The following SORCS2 variants were observed in gnomAD, a reference collection of about 807,000 sequenced individuals.
The protein encoded by SORCS2 is sortilin related VPS10 domain containing receptor 2, also known as VPS10 domain-containing receptor SorCS2.
A neutral mutation model predicts 141.6 loss-of-function variants in SORCS2; 100 were observed. The observed-to-expected ratio is 0.71, with a 90% CI of 0.60 to 0.83. The LOEUF (loss-of-function observed/expected upper bound fraction) is 0.83, where lower values mean the gene tolerates loss of function less well. Ranked by LOEUF, SORCS2 falls within the 40% of genes least tolerant of loss-of-function variation. SORCS2 has a pLI of 0.00. For missense variants in SORCS2, 1,646 were observed against 1,560.2 expected (o/e 1.05, Z -0.93); for synonymous variants, 789 against 676.9 (o/e 1.17, Z -2.57).
intron 3 of SORCS2, among the ~76,000 whole-genome samples, chr4:7,539,972 C>G (rs1219373673): frequency 6.6e-6 from 1 of 150,394 alleles, no homozygotes; most frequent in African/African-American, 2.5e-5. Context: ...GATGGCACCG[C>G]CCCTTCCTGT....
At chr4:7,656,562 T>A (rs1030895181) in intron 5 of SORCS2, among the ~76,000 whole-genome samples, 21 of 152,328 alleles carry the variant, frequency 1.4e-4, no homozygotes, top group Middle Eastern at 3.4e-3. Context: ...ACATTCTAAG[T>A]CCTGCTGCCC....
intron 2 of SORCS2, among the ~76,000 whole-genome samples, chr4:7,470,767 C>T (rs149372384): frequency 2.0e-5 from 3 of 152,326 alleles, no homozygotes; most frequent in Non-Finnish European, 4.4e-5. Flanking sequence ...GCATGGAGCC[C>T]ACAAGGCAGT....
intron 2 of SORCS2, among the ~76,000 whole-genome samples, chr4:7,472,374 C>G (rs951452179): frequency 3.9e-5 from 6 of 152,090 alleles, no homozygotes; most frequent in African/African-American, 7.2e-5. Context: ...GAGCAGGGGT[C>G]CAGGCAAAGT....
At chr4:7,248,765 T>C (rs796877667) in intron 1 of SORCS2, among the ~76,000 whole-genome samples, 1 of 152,258 alleles carries the variant, frequency 6.6e-6, no homozygotes, top group South Asian at 2.1e-4. Context: ...CAAAAATAAC[T>C]GATCACCTTA....
intron 9 of SORCS2, among the ~76,000 whole-genome samples, chr4:7,680,356 CTG>C (rs1274149510): frequency 3.3e-5 from 5 of 152,248 alleles, no homozygotes; most frequent in Non-Finnish European, 5.9e-5. Context: ...AGGCCAGAGT[CTG>C]GGGAGAACTC....
At chr4:7,390,625 C>T (rs1467129375) in intron 1 of SORCS2, among the ~76,000 whole-genome samples, 1 of 152,220 alleles carries the variant, frequency 6.6e-6, no homozygotes, top group Non-Finnish European at 1.5e-5. Context: ...TCAGGCCCCA[C>T]TGCACAAGAG....
intron 1 of SORCS2, among the ~76,000 whole-genome samples, chr4:7,257,231 G>A (rs889500895): frequency 6.6e-6 from 1 of 152,154 alleles, no homozygotes; most frequent in African/African-American, 2.4e-5. Flanking sequence ...CAAACCAGCA[G>A]GACGGATCGG....
At chr4:7,299,392 C>T (rs13101869) in intron 1 of SORCS2, among the ~76,000 whole-genome samples, 34,165 of 152,198 alleles carry the variant, frequency 0.22, 4,533 homozygotes, top group Admixed American at 0.35. Context: ...ATGGCTCTGC[C>T]CCTCAGCGGT....
chr4:7,724,992 GGTA>G (rs201132772), intron 19 of SORCS2, among the ~76,000 whole-genome samples, 159 bp from the exon 20 acceptor site: 42 of 147,410 alleles, frequency 2.8e-4, no homozygotes, highest in Non-Finnish European at 5.0e-4. Flanking sequence ...AATGGATGGT[GGTA>G]GTAGTGGTGA....
chr4:7,531,477 G>A (rs369251186), intron 2 of SORCS2, 53 bp from the exon 3 acceptor site: 66 of 1,558,542 alleles, frequency 4.2e-5, no homozygotes, highest in Non-Finnish European at 5.1e-5. Context: ...GTGGGCTGAC[G>A]AAGGCCACAC....
At chr4:7,250,354 C>G (rs1713410378) in intron 1 of SORCS2, among the ~76,000 whole-genome samples, 1 of 152,204 alleles carries the variant, frequency 6.6e-6, no homozygotes. Context: ...GCAGGCTGCT[C>G]TATGCGTCAT....
intron 2 of SORCS2, among the ~76,000 whole-genome samples, chr4:7,517,012 G>C (rs763379251): frequency 3.3e-5 from 5 of 152,190 alleles, no homozygotes; most frequent in Admixed American, 6.5e-5. Context: ...GTGTTGAAGG[G>C]ACTCAACGAG....
chr4:7,360,964 C>T (rs1006896754), intron 1 of SORCS2, among the ~76,000 whole-genome samples: 1 of 151,890 alleles, frequency 6.6e-6, no homozygotes, highest in African/African-American at 2.4e-5. Context: ...CCTGCCTCCT[C>T]CCCTGTGGCT....
At chr4:7,351,754 A>G (rs1012796972) in intron 1 of SORCS2, among the ~76,000 whole-genome samples, 1 of 150,652 alleles carries the variant, frequency 6.6e-6, no homozygotes. Context: ...TCTCTCCCCA[A>G]TCCATGCACT....
chr4:7,220,376 T>A (rs1728633397), intron 1 of SORCS2, among the ~76,000 whole-genome samples: 1 of 152,022 alleles, frequency 6.6e-6, no homozygotes, highest in Non-Finnish European at 1.5e-5. Context: ...CTCGTCTGAG[T>A]CTTCTCTGCA....
intron 6 of SORCS2, 36 bp downstream of exon 6, chr4:7,661,600 G>A: frequency 6.5e-7 from 1 of 1,544,478 alleles, no homozygotes. Flanking sequence ...GGGTATCCCT[G>A]AGTCACCTCG....
chr4:7,571,854 C>T (rs143010825), intron 3 of SORCS2, among the ~76,000 whole-genome samples: 532 of 152,310 alleles, frequency 3.5e-3, no homozygotes, highest in South Asian at 7.5e-3. Context: ...AAGTCCAGCT[C>T]GTTAGCTTCC....
rs1560373163 is a variant in SORCS2 at position 7,543,758 on chromosome 4, A to G, written c.648+12129A>G. Among the ~76,000 whole-genome samples the G allele has an allele frequency of 2.2e-3, 178 of 80,622 alleles. 8 individuals are homozygous for G. The highest frequency in any genetic ancestry group is 0.011 in the African/African-American group (165 of 15,400). 52.9% of individuals were successfully genotyped at this position (80,622 alleles called of 152,430 possible). On this transcript the variant is annotated intron_variant, in intron 3 of 26. Coordinates refer to ENST00000507866, the MANE Select transcript of SORCS2 (RefSeq NM_020777.3). ...CACCCATCCACCCATCCACCCATCC[A>G]CCCACCCATCCGTCCATCCATCCAC...
At chr4:7,350,322 G>T (rs12650165) in intron 1 of SORCS2, among the ~76,000 whole-genome samples, 1 of 152,162 alleles carries the variant, frequency 6.6e-6, no homozygotes, top group Non-Finnish European at 1.5e-5. Flanking sequence ...CTACAGTTCA[G>T]TTCAGTCAGG....
Sources: allele counts gnomAD v4.1 joint callset (sites outside exome capture counted in the v4.1 genomes callset), GRCh38; gene constraint gnomAD v4.1.1; transcripts MANE v1.5; gene names NCBI Gene and HGNC (gene_info 2026-07-23, HGNC 2026-07-21).